RARB: variants seen among roughly 807,000 people sequenced by gnomAD.
The protein encoded by RARB is retinoic acid receptor beta.
In RARB, 17 loss-of-function variants were observed where a neutral mutation model predicts 51.9. The observed-to-expected ratio is 0.33, with a 90% CI of 0.22 to 0.49. The LOEUF (loss-of-function observed/expected upper bound fraction) is 0.49, where lower values mean the gene tolerates loss of function less well. RARB is among the 20% of genes least tolerant of loss of function. RARB has a pLI of 0.99. For missense variants in RARB, 369 were observed against 550.8 expected, an observed-to-expected ratio of 0.67 and a Z score of 3.30; for synonymous variants, 215 against 195.4, an observed-to-expected ratio of 1.10 and a Z score of -0.84.
intron 2 of RARB, among the ~76,000 whole-genome samples, chr3:24,929,463 T>C (rs1695395964): frequency 6.6e-6 from 1 of 152,106 alleles, no homozygotes; most frequent in Non-Finnish European, 1.5e-5. Flanking sequence ...ATAATATGGT[T>C]TTGGAACTAT....
intron 5 of RARB, among the ~76,000 whole-genome samples, chr3:25,388,790 G>C (rs1015715959): frequency 4.6e-5 from 7 of 152,156 alleles, no homozygotes; most frequent in African/African-American, 1.2e-4. Flanking sequence ...ATGTTCACAA[G>C]TGTGTGGGGT....
intron 5 of RARB, among the ~76,000 whole-genome samples, chr3:25,268,501 C>T (rs76290870): frequency 0.014 from 2,186 of 152,254 alleles, 37 homozygotes; most frequent in African/African-American, 0.043. Context: ...CCCTGGTCCT[C>T]ACCAGAGTTT....
In RARB at chr3:25,177,687, A is replaced by G. The variant is rs116845868; in HGVS notation, c.178+3112A>G. Among the ~76,000 whole-genome samples the G allele has an allele frequency of 2.3e-3, 354 of 152,222 alleles. 2 individuals carry two copies. Among genetic ancestry groups the G allele is most frequent in the East Asian group, 0.02 (105 of 5,170 alleles). ...TGTCACTCTTCTCTCATTCCCTTCT[A>G]ACTCTTGTCAGCTTTATCTCCTAGA... On this transcript the variant is annotated intron_variant, in intron 5 of 11. Transcript: ENST00000383772.
chr3:24,873,217 T>A (rs1041635819), intron 2 of RARB, among the ~76,000 whole-genome samples: 1 of 152,244 alleles, frequency 6.6e-6, no homozygotes, highest in African/African-American at 2.4e-5. Context: ...TTATCTCTTA[T>A]GTCAATGAAT....
intron 5 of RARB, among the ~76,000 whole-genome samples, chr3:25,349,714 G>T (rs1705501850): frequency 1.3e-5 from 2 of 152,110 alleles, no homozygotes; most frequent in African/African-American, 4.8e-5. Context: ...TATGTGTTTT[G>T]TGTCTTTTAA....
At chr3:25,569,530 C>T (rs948564534) in intron 3 of RARB, among the ~76,000 whole-genome samples, 1 of 152,334 alleles carries the variant, frequency 6.6e-6, no homozygotes, top group African/African-American at 2.4e-5. Flanking sequence ...GCTCTCCAAA[C>T]AACTGACGGG....
At chr3:25,291,572 T>C (rs1703789188) in intron 5 of RARB, among the ~76,000 whole-genome samples, 1 of 151,068 alleles carries the variant, frequency 6.6e-6, no homozygotes, top group South Asian at 2.1e-4. Flanking sequence ...ACCTCTGAGA[T>C]TGTTAGAGGG....
intron 5 of RARB, among the ~76,000 whole-genome samples, chr3:25,202,987 C>A (rs956562610): frequency 5.3e-5 from 8 of 152,124 alleles, no homozygotes; most frequent in Non-Finnish European, 8.8e-5. Flanking sequence ...TCCTGGATAT[C>A]CTTGTTAACT....
chr3:25,077,291 T>G (rs753484375), intron 3 of RARB, among the ~76,000 whole-genome samples: 2 of 152,192 alleles, frequency 1.3e-5, no homozygotes, highest in African/African-American at 2.4e-5. Flanking sequence ...TATGCTCACA[T>G]GTGTGCAATG....
At chr3:25,341,580 C>T (rs113526995) in intron 5 of RARB, among the ~76,000 whole-genome samples, 6 of 152,146 alleles carry the variant, frequency 3.9e-5, no homozygotes, top group African/African-American at 1.4e-4. Flanking sequence ...TGTGGTGTGA[C>T]TGACTCTCCT....
chr3:25,469,151 A>G (rs775535024), intron 2 of RARB, among the ~76,000 whole-genome samples: 3 of 152,224 alleles, frequency 2.0e-5, no homozygotes, highest in Non-Finnish European at 4.4e-5. Flanking sequence ...CATCTCCATG[A>G]CAGCGTTCGG....
At chr3:25,117,183 G>T (rs757061732) in intron 3 of RARB, among the ~76,000 whole-genome samples, 9 of 152,130 alleles carry the variant, frequency 5.9e-5, no homozygotes, top group Non-Finnish European at 1.3e-4. Flanking sequence ...CTACAGCATG[G>T]CAGAGAACAA....
At chr3:25,217,856 A>G (rs1293970050) in intron 5 of RARB, among the ~76,000 whole-genome samples, 2 of 152,166 alleles carry the variant, frequency 1.3e-5, no homozygotes, top group African/African-American at 4.8e-5. Context: ...CCTAAAGGCA[A>G]TGAGTTCTAG....
intron 2 of RARB, among the ~76,000 whole-genome samples, chr3:24,874,940 A>G (rs963186403): frequency 6.6e-6 from 1 of 152,080 alleles, no homozygotes; most frequent in Middle Eastern, 3.2e-3. Context: ...TTGTTACATT[A>G]GAAATAGACA....
intron 4 of RARB, among the ~76,000 whole-genome samples, chr3:25,572,687 C>T (rs1700754762): frequency 6.6e-6 from 1 of 152,132 alleles, no homozygotes; most frequent in Non-Finnish European, 1.5e-5. Context: ...CCAAGAAAGT[C>T]AGAGGAAAAG....
chr3:25,494,833 A>G (rs941434723), intron 2 of RARB, among the ~76,000 whole-genome samples: 1 of 152,188 alleles, frequency 6.6e-6, no homozygotes, highest in Non-Finnish European at 1.5e-5. Context: ...TAGAATGTGT[A>G]TGGGAAATTG....
intron 1 of RARB, chr3:25,458,397 A>G (rs1211416379): frequency 6.6e-6 from 1 of 152,164 alleles, no homozygotes; most frequent in Non-Finnish European, 1.5e-5. Flanking sequence ...ATTGTGGGTG[A>G]GTGATTCTGT....
chr3:24,861,615 A>G (rs905731417), intron 2 of RARB, among the ~76,000 whole-genome samples: 4 of 132,814 alleles, frequency 3.0e-5, no homozygotes, highest in African/African-American at 1.2e-4. Flanking sequence ...AAAAAAAAAA[A>G]CCTTTCCTGA....
intron 5 of RARB, among the ~76,000 whole-genome samples, chr3:25,206,217 T>C (rs377205058): frequency 1.3e-5 from 2 of 152,342 alleles, no homozygotes. Flanking sequence ...AATCCCCTCC[T>C]TGGTTCTGGT....
Sources: gnomAD v4.1 joint callset for allele counts (sites outside exome capture counted in the v4.1 genomes callset) on GRCh38, gnomAD v4.1.1 for gene constraint, MANE v1.5 for transcripts, NCBI Gene and HGNC (gene_info 2026-07-23, HGNC 2026-07-21) for gene names.